Variants in SERPINI2 observed in about 807,000 individuals in gnomAD.
The protein encoded by SERPINI2 is serpin family I member 2, also known as serpin I2.
SERPINI2 carries 48 observed loss-of-function variants against 47.3 expected under a neutral mutation model. That is an observed-to-expected ratio of 1.02 (90% confidence interval 0.81 to 1.29). The LOEUF (loss-of-function observed/expected upper bound fraction) is 1.29, where lower values mean the gene tolerates loss of function less well. Among genes scored for constraint, SERPINI2 ranks in the 50% most tolerant of loss-of-function variants. The probability of loss-of-function intolerance (pLI) is 0.00; values close to 1 mark genes in which losing one functional copy is unlikely to be tolerated. For synonymous variants in SERPINI2, 135 were observed against 149.3 expected, an observed-to-expected ratio of 0.90 and a Z score of 0.70; for missense variants, 448 against 456.9, an observed-to-expected ratio of 0.98 and a Z score of 0.18.
chr3:167,452,401 T>G (rs1164200115), intron 6 of SERPINI2, among the ~76,000 whole-genome samples: 4 of 152,204 alleles, frequency 2.6e-5, no homozygotes, highest in Non-Finnish European at 5.9e-5. Flanking sequence ...TGATGCGAGT[T>G]AGCATAAGAG....
intron 2 of SERPINI2, 106 bp downstream of exon 2, chr3:167,471,482 A>G: frequency 1.8e-6 from 2 of 1,134,728 alleles, no homozygotes; most frequent in South Asian, 2.4e-5. Context: ...TGTACTTTTC[A>G]TTACATTTTC....
exon 4 of SERPINI2, chr3:167,465,508 A>G (rs1033427035): frequency 1.9e-6 from 3 of 1,613,714 alleles, no homozygotes; most frequent in African/African-American, 2.7e-5. Flanking sequence ...AGCCTTCATC[A>G]TTGGAATTTT....
chr3:167,451,564 A>G (rs1749641225), intron 6 of SERPINI2, among the ~76,000 whole-genome samples: 1 of 152,248 alleles, frequency 6.6e-6, no homozygotes, highest in Non-Finnish European at 1.5e-5. Context: ...AAACAGCTCA[A>G]ATAGGTAACT....
intron 5 of SERPINI2, among the ~76,000 whole-genome samples, chr3:167,453,764 C>A (rs912191504): frequency 2.0e-4 from 30 of 151,654 alleles, no homozygotes; most frequent in Non-Finnish European, 4.1e-4. Context: ...ATTTGCCTCA[C>A]CTGTGAAAAG....
rs115071269 is a variant in SERPINI2, at chr3:167,455,181, A to G, written c.867-2148T>C. On this transcript the variant is annotated intron_variant, in intron 5 of 8. Coordinates refer to ENST00000264677, the Ensembl canonical transcript of SERPINI2. ...AATTGTCAAAAGAACAGCAGGCAAA[A>G]GTAGAAGAATGAGCAGCAAAATGCT... 6.1e-3 allele frequency among the ~76,000 whole-genome samples: 936 copies of G among 152,348 alleles called. 8 individuals carry two copies. Among genetic ancestry groups the G allele is most frequent in the African/African-American group, 0.021 (890 of 41,578 alleles).
chr3:167,470,824 C>T (rs906862050), intron 2 of SERPINI2, among the ~76,000 whole-genome samples: 1 of 151,902 alleles, frequency 6.6e-6, no homozygotes, highest in Admixed American at 6.6e-5. Flanking sequence ...TGTGAGCCAC[C>T]ACACCAGCCA....
chr3:167,441,950 C>A (rs1467937177), exon 9 of SERPINI2: 1 of 489,522 alleles, frequency 2.0e-6, no homozygotes, highest in Non-Finnish European at 3.5e-6. Flanking sequence ...AAATGCATAC[C>A]TAATTTTACT....
intron 5 of SERPINI2, among the ~76,000 whole-genome samples, chr3:167,460,034 C>T (rs1057501399): frequency 1.3e-5 from 2 of 152,174 alleles, no homozygotes; most frequent in Non-Finnish European, 2.9e-5. Context: ...ATTCTCCTAA[C>T]GGTCTCAGTG....
At chr3:167,442,012 G>A (rs1749342475) in exon 9 of SERPINI2, 1 of 882,862 alleles carries the variant, frequency 1.1e-6, no homozygotes, top group East Asian at 2.8e-5. Context: ...AAACAGAAAA[G>A]ACATAAGATA....
chr3:167,452,922 A>G lies in SERPINI2; in HGVS notation c.964+14T>C. The G allele has an allele frequency of 6.7e-7, 1 of 1,492,250 alleles. No homozygotes were observed. Among genetic ancestry groups the G allele is most frequent in the Non-Finnish European group, 9.2e-7 (1 of 1,084,520 alleles). The allele number at this position is 1,492,250 out of a possible 1,614,324, so 92.4% of individuals were successfully genotyped here. A position where few individuals can be genotyped will look rare whatever the true frequency, so the allele number is the denominator to read the frequency against. ...AAATTAACATCATAATATAAGAATT[A>G]TTTATCATACTACCTGTTATTCCAG... On this transcript the variant is annotated intron_variant, in intron 6 of 8. Transcript: ENST00000264677.
intron 2 of SERPINI2, among the ~76,000 whole-genome samples, chr3:167,471,188 T>A (rs1341958186): frequency 6.6e-6 from 1 of 152,062 alleles, no homozygotes; most frequent in African/African-American, 2.4e-5. Flanking sequence ...TTGAATCAGT[T>A]CCATGACATG....
At chr3:167,461,662 G>C (rs1259806379) in intron 5 of SERPINI2, among the ~76,000 whole-genome samples, 1 of 151,874 alleles carries the variant, frequency 6.6e-6, no homozygotes, top group Non-Finnish European at 1.5e-5. Context: ...CCAGGCTGGA[G>C]TGCAGTGGCA....
chr3:167,470,521 C>T (rs1750274149), intron 2 of SERPINI2, among the ~76,000 whole-genome samples: 1 of 142,268 alleles, frequency 7.0e-6, no homozygotes, highest in African/African-American at 2.7e-5. Context: ...AAACTGAGAG[C>T]ATGAGATAGC....
chr3:167,452,419 T>A (rs902252078), intron 6 of SERPINI2, among the ~76,000 whole-genome samples: 34 of 152,356 alleles, frequency 2.2e-4, no homozygotes, highest in African/African-American at 7.0e-4. Context: ...GAGCTCCATC[T>A]TATCTTCTCA....
intron 5 of SERPINI2, among the ~76,000 whole-genome samples, chr3:167,463,459 G>A (rs1016598897): frequency 3.9e-5 from 6 of 152,126 alleles, no homozygotes; most frequent in Non-Finnish European, 5.9e-5. Flanking sequence ...ATGAAACTCT[G>A]ATAAACATTT....
intron 7 of SERPINI2, 57 bp downstream of exon 7, chr3:167,449,259 A>C: frequency 8.7e-7 from 1 of 1,147,766 alleles, no homozygotes; most frequent in East Asian, 2.3e-5. Flanking sequence ...TCAGCACCAT[A>C]ATGTTCATCC....
chr3:167,443,660 A>G (rs1019096313), intron 8 of SERPINI2, among the ~76,000 whole-genome samples: 2 of 152,168 alleles, frequency 1.3e-5, no homozygotes, highest in Non-Finnish European at 2.9e-5. Context: ...GAAAAATTTT[A>G]AAGTAACTTC....
chr3:167,451,914 T>C (rs1237003625), intron 6 of SERPINI2, among the ~76,000 whole-genome samples: 1 of 152,194 alleles, frequency 6.6e-6, no homozygotes, highest in East Asian at 1.9e-4. Context: ...GACCATCTCA[T>C]ACCTAGTGCG....
chr3:167,470,073 T>C (rs1750261259), intron 2 of SERPINI2, among the ~76,000 whole-genome samples: 1 of 152,184 alleles, frequency 6.6e-6, no homozygotes, highest in African/African-American at 2.4e-5. Context: ...ATATCATGTA[T>C]CCATTTAAAG....
Sources: gnomAD v4.1 joint callset for allele counts (sites outside exome capture counted in the v4.1 genomes callset) on GRCh38, gnomAD v4.1.1 for gene constraint, MANE v1.5 for transcripts, NCBI Gene and HGNC (gene_info 2026-07-23, HGNC 2026-07-21) for gene names.